Variants in CERS4 observed in about 807,000 individuals in gnomAD.
The protein encoded by CERS4 is ceramide synthase 4.
In CERS4, 65 loss-of-function variants were observed where a neutral mutation model predicts 51.8. The observed-to-expected ratio is 1.26, with a 90% confidence interval of 1.03 to 1.54. The LOEUF is 1.54. CERS4 is among the 40% of genes most tolerant of loss of function. The probability of loss-of-function intolerance (pLI) is 0.00; values close to 1 mark genes in which losing one functional copy is unlikely to be tolerated. For missense variants in CERS4, 563 were observed against 500.4 expected (o/e 1.13, Z -1.19); for synonymous variants, 228 against 208.4 (o/e 1.09, Z -0.81).
At chr19:8,215,366 C>A (rs1967254703) in intron 2 of CERS4, among the ~76,000 whole-genome samples, 1 of 151,956 alleles carries the variant, frequency 6.6e-6, no homozygotes, top group South Asian at 2.1e-4. Context: ...GTAGTCCCAG[C>A]TACTCAGGAG....
intron 2 of CERS4, among the ~76,000 whole-genome samples, chr19:8,213,021 T>G (rs906992376): frequency 2.6e-5 from 4 of 151,858 alleles, no homozygotes; most frequent in African/African-American, 7.3e-5. Flanking sequence ...CAAGCTCTTT[T>G]CTTTGCTTTT....
rs2145293147 is a variant in CERS4, at chr19:8,251,194, T to C, written c.118T>C (p.Leu40=). ...GRVYPHPQDL[L]AALPLALVLL... ...TGTCTACCCCCACCCCCAGGACTTG[T>C]TGGCAGCCCTGCCCCTGGCGCTGGT... The change falls in exon 3 of 12, where the codon TTG becomes CTG. Residue 40 remains leucine (L), a synonymous_variant. Coordinates refer to ENST00000251363, the MANE Select transcript of CERS4 (RefSeq NM_024552.3). 2 of 1,613,402 alleles carry C rather than the reference T, an allele frequency of 1.2e-6. No individual in the cohort carries two copies. Among genetic ancestry groups the C allele is most frequent in the Non-Finnish European group, 1.7e-6 (2 of 1,179,748 alleles).
At chr19:8,245,921 A>C (rs1175096798) in intron 2 of CERS4, among the ~76,000 whole-genome samples, 2 of 149,290 alleles carry the variant, frequency 1.3e-5, no homozygotes, top group African/African-American at 4.9e-5. Flanking sequence ...AAAAAAAAAA[A>C]AAAAAAGCTG....
chr19:8,210,958 C>G lies in CERS4; in HGVS notation c.-2+96C>G, dbSNP rs1967061293. The G allele has an allele frequency of 6.6e-6, 1 of 151,910 alleles. No homozygotes were observed. The allele number at this position is 151,910 out of a possible 1,614,324, so 9.4% of individuals were successfully genotyped here. A position where few individuals can be genotyped will look rare whatever the true frequency, so the allele number is the denominator to read the frequency against. On this transcript the variant is annotated intron_variant, in intron 2 of 11. Transcript: ENST00000251363. This position sits in a 1 kb window ranked among gnomAD's most constrained non-coding sequence, Gnocchi z 4.2. ...GAAAGGTTTCTGAGCTTCAGTTTACCCATCTGTAAAATGGGTCAGTAGTAT... is the reference window on the plus strand; with the variant it reads ...GAAAGGTTTCTGAGCTTCAGTTTACGCATCTGTAAAATGGGTCAGTAGTAT...
intron 10 of CERS4, chr19:8,261,455 CAT>C (rs948940513): frequency 3.5e-6 from 2 of 566,908 alleles, no homozygotes; most frequent in Non-Finnish European, 3.2e-6. Flanking sequence ...GGGTGGGGTT[CAT>C]AGTCATGAAT....
Position 8,226,415 on chromosome 19 carries a change from C to G in CERS4, c.-2+15553C>G, listed in dbSNP as rs1418244247. On this transcript the variant is annotated intron_variant, in intron 2 of 11. Coordinates refer to ENST00000251363, the MANE Select transcript of CERS4 (RefSeq NM_024552.3). ...AGTCTGGCTTTGCACCTGCTTGGCC[C>G]TATATGAATCTACCTCCATGTATGC... 2.6e-5 allele frequency among the ~76,000 whole-genome samples: 4 copies of G among 152,216 alleles called. No individual in the cohort carries two copies. In the East Asian group the frequency reaches 7.7e-4, roughly 29 times the overall value.
chr19:8,252,824 C>T (rs1448952913), intron 3 of CERS4, among the ~76,000 whole-genome samples: 4 of 152,074 alleles, frequency 2.6e-5, no homozygotes, highest in Non-Finnish European at 4.4e-5. Flanking sequence ...ATCCTCCCGC[C>T]CTCCACCTCC....
At chr19:8,259,138 TAAA>T (rs571478547) in intron 10 of CERS4, among the ~76,000 whole-genome samples, 4 of 151,444 alleles carry the variant, frequency 2.6e-5, no homozygotes, top group African/African-American at 4.8e-5. Context: ...TGTCTCTAAA[TAAA>T]AAAAAGTCAG....
chr19:8,211,161 T>C (rs1967070822), intron 2 of CERS4, among the ~76,000 whole-genome samples: 1 of 152,100 alleles, frequency 6.6e-6, no homozygotes, highest in Admixed American at 6.6e-5. Context: ...GACCCAGGGC[T>C]GTCTGCAGGT....
At position 8,210,490 on chromosome 19, in the gene CERS4, G is replaced by T. The variant is rs1006894055; in HGVS notation, c.-158-216G>T. On this transcript the variant is annotated intron_variant, in intron 1 of 11. Coordinates refer to ENST00000251363, the MANE Select transcript of CERS4 (RefSeq NM_024552.3). The surrounding 1 kb of genome is among the most constrained non-coding windows in gnomAD (Gnocchi z 4.2). ...GGGGACACAGGAAGGTGGGCAGGGG[G>T]AGAGGCTGTTGTGGTTTGCAAAACC... Among the ~76,000 whole-genome samples, 1 of 152,098 alleles carries T rather than the reference G, an allele frequency of 6.6e-6. No homozygotes were observed. Among genetic ancestry groups the T allele is most frequent in the African/African-American group, 2.4e-5 (1 of 41,402 alleles).
intron 4 of CERS4, 103 bp from the exon 5 acceptor site, chr19:8,255,504 T>C (rs766565794): frequency 1.1e-4 from 108 of 975,960 alleles, no homozygotes; most frequent in Admixed American, 1.8e-4. Flanking sequence ...GTAGGCAAGA[T>C]GTGGGCCTGC....
At chr19:8,239,070 C>T (rs1452751845) in intron 2 of CERS4, among the ~76,000 whole-genome samples, 2 of 151,952 alleles carry the variant, frequency 1.3e-5, no homozygotes, top group Non-Finnish European at 2.9e-5. Flanking sequence ...CACTGCACTC[C>T]AGTCTGGGCA....
intron 2 of CERS4, among the ~76,000 whole-genome samples, chr19:8,235,228 T>C (rs150077783): frequency 0.019 from 2,928 of 151,422 alleles, 115 homozygotes; most frequent in African/African-American, 0.068. Context: ...AAGATGGTCT[T>C]GATCTCCTGA....
At position 8,251,266 on chromosome 19, in the gene CERS4, C is replaced by CCG; in HGVS notation, c.173+19_173+20dup. The CCG allele has an allele frequency of 6.4e-7, 1 of 1,567,998 alleles. No homozygotes were observed. The highest frequency in any genetic ancestry group is 8.6e-7 in the Non-Finnish European group (1 of 1,158,070). ...CTTTGAGAGGTGAGTGTCTGCCCTG[C>CCG]CGCAATCCATTGCCCCCGCAGTCGC... On this transcript the variant is annotated intron_variant, in intron 3 of 11. Transcript: ENST00000251363.
At chr19:8,249,268 G>A (rs1042897367) in intron 2 of CERS4, among the ~76,000 whole-genome samples, 1 of 152,018 alleles carries the variant, frequency 6.6e-6, no homozygotes, top group Non-Finnish European at 1.5e-5. Flanking sequence ...GGGATGGATC[G>A]GTAGATAGAT....
At position 8,261,709 on chromosome 19, in the gene CERS4, C is replaced by A. The variant is rs762692199; in HGVS notation, c.870C>A (p.Tyr290Ter). The A allele has an allele frequency of 9.9e-6, 16 of 1,614,136 alleles. No homozygotes were observed. The highest frequency in any genetic ancestry group is 1.4e-5 in the Non-Finnish European group (16 of 1,180,024). The change falls in exon 11 of 12, where the codon TAC (tyrosine) becomes TAA (stop). Residue 290 changes from tyrosine (Y) to a stop codon, truncating the protein, a stop_gained. Coordinates refer to ENST00000251363, the MANE Select transcript of CERS4 (RefSeq NM_024552.3). LOFTEE classifies it high-confidence loss of function. ...GTAGGATCCTCTACACCACATACTA[C>A]GAGTCCATCAGCAACAGGGGCCCCT... ...FPTQILYTTY[Y>*]ESISNRGPFF...
In CERS4 at chr19:8,231,630, G is replaced by T. The variant is rs574727349; in HGVS notation, c.-1-19446G>T. ...GTGGTGTGATCTCGGTTCACTGCAA[G>T]CTCCACCTCCTGGGTTCACACCATT... On this transcript the variant is annotated intron_variant, in intron 2 of 11. Transcript: ENST00000251363. Among the ~76,000 whole-genome samples the T allele has an allele frequency of 3.0e-3, 454 of 150,800 alleles. 4 individuals are homozygous for T. Among genetic ancestry groups the T allele is most frequent in the African/African-American group, 0.01 (430 of 41,072 alleles).
At chr19:8,256,771 G>C in intron 8 of CERS4, 61 bp downstream of exon 8, 1 of 1,580,868 alleles carries the variant, frequency 6.3e-7, no homozygotes, top group Non-Finnish European at 8.6e-7. Flanking sequence ...GGTGCTGGGG[G>C]GTAGGGCAGC....
At chr19:8,260,105 G>C (rs1327890645) in intron 10 of CERS4, among the ~76,000 whole-genome samples, 1 of 152,068 alleles carries the variant, frequency 6.6e-6, no homozygotes, top group Non-Finnish European at 1.5e-5. Flanking sequence ...GTGCCAGCTG[G>C]TGGGGCTGCA....
Sources: allele counts gnomAD v4.1 joint callset (sites outside exome capture counted in the v4.1 genomes callset), GRCh38; gene constraint gnomAD v4.1.1; non-coding constraint Gnocchi (gnomAD v3.1); transcripts MANE v1.5; gene names NCBI Gene and HGNC (gene_info 2026-07-23, HGNC 2026-07-21).